Variants in FER observed in about 807,000 individuals in gnomAD.
FER encodes FER tyrosine kinase.
A neutral mutation model predicts 111.0 loss-of-function variants in FER; 63 were observed. That is an observed-to-expected ratio of 0.57 (90% CI 0.46 to 0.70). The LOEUF is 0.70. Ranked by LOEUF, FER falls within the 30% of genes least tolerant of loss-of-function variation. FER has a pLI of 0.00. For synonymous variants in FER, 327 were observed against 313.9 expected (o/e 1.04, Z -0.44); for missense variants, 914 against 954.0 (o/e 0.96, Z 0.55).
At chr5:108,860,391 T>G (rs1763404264) in intron 5 of FER, among the ~76,000 whole-genome samples, 2 of 152,232 alleles carry the variant, frequency 1.3e-5, no homozygotes, top group African/African-American at 4.8e-5. Flanking sequence ...ACCCAGTGAA[T>G]TAGAAAGGGC....
intron 9 of FER, among the ~76,000 whole-genome samples, chr5:108,892,700 T>C (rs1158454152): frequency 1.3e-5 from 2 of 152,240 alleles, no homozygotes; most frequent in Non-Finnish European, 2.9e-5. Context: ...TTTTGGCTTT[T>C]GTTGCCATTT....
chr5:108,909,691 G>A (rs1330230108), intron 10 of FER, among the ~76,000 whole-genome samples: 1 of 151,784 alleles, frequency 6.6e-6, no homozygotes, highest in African/African-American at 2.4e-5. Context: ...TTGAACAGCT[G>A]GAAGGGTACC....
At chr5:109,027,746 T>TA (rs1292802175) in intron 13 of FER, among the ~76,000 whole-genome samples, 1 of 152,048 alleles carries the variant, frequency 6.6e-6, no homozygotes, top group African/African-American at 2.4e-5. Context: ...GGCAGACTGC[T>TA]GGTTGTCTTC....
At chr5:109,141,496 A>G (rs1206451225) in intron 17 of FER, among the ~76,000 whole-genome samples, 1 of 152,222 alleles carries the variant, frequency 6.6e-6, no homozygotes, top group Non-Finnish European at 1.5e-5. Context: ...CAGTTAGGCT[A>G]ACACAGATAG....
At chr5:108,778,047 G>T (rs1182205) in intron 2 of FER, among the ~76,000 whole-genome samples, 1 of 152,142 alleles carries the variant, frequency 6.6e-6, no homozygotes, top group Admixed American at 6.6e-5. Context: ...AGGTATAATT[G>T]TGTCATATAT....
chr5:109,076,101 A>G (rs912404908), intron 16 of FER, among the ~76,000 whole-genome samples: 3 of 151,720 alleles, frequency 2.0e-5, no homozygotes, highest in Admixed American at 6.6e-5. Flanking sequence ...CTACATTTTT[A>G]TATTAATTAT....
At chr5:109,066,570 C>T (rs193253611) in intron 16 of FER, among the ~76,000 whole-genome samples, 57 of 152,060 alleles carry the variant, frequency 3.7e-4, no homozygotes, top group Non-Finnish European at 5.7e-4. Context: ...AGTTGAAACC[C>T]GTCAGTTCTG....
chr5:109,146,843 C>T (rs2126667116), intron 17 of FER, among the ~76,000 whole-genome samples: 1 of 152,054 alleles, frequency 6.6e-6, no homozygotes, highest in South Asian at 2.1e-4. Flanking sequence ...GTCATTACCT[C>T]AGACCTGATG....
chr5:108,766,077 A>G (rs987030372), intron 1 of FER, among the ~76,000 whole-genome samples: 2 of 152,008 alleles, frequency 1.3e-5, no homozygotes, highest in African/African-American at 2.4e-5. Flanking sequence ...CTACAGGTAC[A>G]TGCCACCATG....
chr5:108,815,359 A>G (rs1475047024), intron 3 of FER, among the ~76,000 whole-genome samples: 4 of 152,108 alleles, frequency 2.6e-5, no homozygotes, highest in Non-Finnish European at 5.9e-5. Flanking sequence ...ATCATTTTGC[A>G]TATCCAGCAG....
chr5:108,904,799 G>C (rs931829213), intron 10 of FER, among the ~76,000 whole-genome samples: 1 of 152,084 alleles, frequency 6.6e-6, no homozygotes, highest in Non-Finnish European at 1.5e-5. Context: ...GTCAGTTATA[G>C]ATATTAATTA....
At chr5:108,866,516 C>T (rs560758303) in intron 5 of FER, among the ~76,000 whole-genome samples, 2 of 151,542 alleles carry the variant, frequency 1.3e-5, no homozygotes, top group Admixed American at 1.3e-4. Flanking sequence ...CACACACCAA[C>T]GTGGCACATG....
At chr5:109,123,323 T>C (rs560440045) in intron 17 of FER, among the ~76,000 whole-genome samples, 2 of 151,920 alleles carry the variant, frequency 1.3e-5, no homozygotes, top group South Asian at 4.2e-4. Flanking sequence ...GCCCAGCTAA[T>C]TTTTTTGTAT....
intron 10 of FER, among the ~76,000 whole-genome samples, chr5:108,920,057 A>T (rs1301394152): frequency 6.6e-6 from 1 of 152,126 alleles, no homozygotes; most frequent in South Asian, 2.1e-4. Context: ...TTCAGAGACT[A>T]CAGTCCCCTT....
chr5:108,877,650 A>G (rs1181141347), intron 8 of FER, among the ~76,000 whole-genome samples: 1 of 152,224 alleles, frequency 6.6e-6, no homozygotes, highest in Non-Finnish European at 1.5e-5. Context: ...AGATGCCAGA[A>G]AAGTTACCTC....
chr5:108,944,533 A>T (rs1756712112), intron 10 of FER, among the ~76,000 whole-genome samples: 2 of 152,130 alleles, frequency 1.3e-5, no homozygotes, highest in Admixed American at 1.3e-4. Context: ...GAAGTTTTTT[A>T]ATTTTAATTT....
At chr5:108,890,561 G>T (rs1747873100) in intron 9 of FER, among the ~76,000 whole-genome samples, 1 of 151,998 alleles carries the variant, frequency 6.6e-6, no homozygotes, top group African/African-American at 2.4e-5. Flanking sequence ...CCCTCTGCCT[G>T]TGTGTCTCTT....
chr5:108,914,635 T>G (rs1170864266), intron 10 of FER, among the ~76,000 whole-genome samples: 1 of 152,146 alleles, frequency 6.6e-6, no homozygotes, highest in Non-Finnish European at 1.5e-5. Flanking sequence ...GCTTGAGGAA[T>G]GCAGGAGCGG....
intron 13 of FER, among the ~76,000 whole-genome samples, chr5:108,978,865 T>C (rs1383962331): frequency 6.6e-6 from 1 of 152,188 alleles, no homozygotes; most frequent in Non-Finnish European, 1.5e-5. Context: ...ATAATTCTAG[T>C]AGTCACCTTC....
Sources: allele counts gnomAD v4.1 joint callset (sites outside exome capture counted in the v4.1 genomes callset), GRCh38; gene constraint gnomAD v4.1.1; transcripts MANE v1.5; gene names NCBI Gene and HGNC (gene_info 2026-07-23, HGNC 2026-07-21).